The following DOCK1 variants were observed in gnomAD, a reference collection of about 807,000 sequenced individuals.
DOCK1 encodes the protein dedicator of cytokinesis 1.
DOCK1 carries 138 observed loss-of-function variants against 262.7 expected under a neutral mutation model. That is an observed-to-expected ratio of 0.53 (90% confidence interval 0.46 to 0.61). The LOEUF (loss-of-function observed/expected upper bound fraction) is 0.61, where lower values mean the gene tolerates loss of function less well. Among genes scored for constraint, DOCK1 ranks in the 20% least tolerant of loss-of-function variants. The pLI is 0.00. For missense variants in DOCK1, 1,908 were observed against 2,370.7 expected, an observed-to-expected ratio of 0.80 and a Z score of 4.05; for synonymous variants, 866 against 867.4, an observed-to-expected ratio of 1.00 and a Z score of 0.03.
At chr10:127,082,289 G>A (rs895330068) in intron 23 of DOCK1, among the ~76,000 whole-genome samples, 3 of 152,190 alleles carry the variant, frequency 2.0e-5, no homozygotes, top group East Asian at 1.9e-4. Context: ...GTGTCTGCCC[G>A]GGTCTGGGTT....
chr10:127,288,113 A>C (rs2061223894), intron 29 of DOCK1, among the ~76,000 whole-genome samples: 1 of 152,156 alleles, frequency 6.6e-6, no homozygotes, highest in Non-Finnish European at 1.5e-5. Flanking sequence ...ATGACCAGTA[A>C]ATTTTTTTCT....
intron 4 of DOCK1, among the ~76,000 whole-genome samples, chr10:126,983,609 G>T (rs936721647): frequency 1.3e-5 from 2 of 151,976 alleles, no homozygotes; most frequent in Non-Finnish European, 2.9e-5. Context: ...TCTCTTGCAG[G>T]CTCTGTCTTT....
chr10:126,970,157 A>C (rs1727844410), intron 1 of DOCK1, among the ~76,000 whole-genome samples: 1 of 152,152 alleles, frequency 6.6e-6, no homozygotes, highest in South Asian at 2.1e-4. Context: ...ATGTAGGAGC[A>C]CTATGATCCT....
chr10:127,070,545 C>T (rs74158605), intron 23 of DOCK1, among the ~76,000 whole-genome samples: 2 of 151,972 alleles, frequency 1.3e-5, no homozygotes, highest in Admixed American at 1.3e-4. Flanking sequence ...ACCCACTGCA[C>T]CTGGCCTGAA....
chr10:127,183,916 C>G (rs1179913949), intron 27 of DOCK1, among the ~76,000 whole-genome samples: 1 of 152,184 alleles, frequency 6.6e-6, no homozygotes, highest in East Asian at 1.9e-4. Context: ...TCTGTCTTCT[C>G]TGTGCATGAT....
intron 23 of DOCK1, among the ~76,000 whole-genome samples, chr10:127,097,848 A>T (rs2048002631): frequency 6.6e-6 from 1 of 152,216 alleles, no homozygotes; most frequent in Admixed American, 6.5e-5. Context: ...TAAATTGTGT[A>T]TAGAGTACTC....
chr10:127,260,408 G>A (rs994835932), intron 29 of DOCK1, among the ~76,000 whole-genome samples: 2 of 152,200 alleles, frequency 1.3e-5, no homozygotes, highest in Admixed American at 1.3e-4. Flanking sequence ...CTGGAAAGAC[G>A]TCTTGACAAG....
chr10:127,342,463 A>G (rs1308376642), intron 30 of DOCK1, among the ~76,000 whole-genome samples: 1 of 152,176 alleles, frequency 6.6e-6, no homozygotes, highest in Non-Finnish European at 1.5e-5. Flanking sequence ...CAGCTCTGCA[A>G]TGGGGATAAC....
chr10:127,196,702 G>T (rs1453099687), intron 27 of DOCK1, among the ~76,000 whole-genome samples: 1 of 141,540 alleles, frequency 7.1e-6, no homozygotes, highest in Non-Finnish European at 1.5e-5. Context: ...TCCCGCCGCC[G>T]CCAGAGCTGG....
intron 1 of DOCK1, among the ~76,000 whole-genome samples, chr10:126,970,366 C>T (rs550853736): frequency 6.6e-6 from 1 of 152,172 alleles, no homozygotes; most frequent in East Asian, 1.9e-4. Flanking sequence ...ATATTCACTC[C>T]ATGTGCAATT....
At chr10:127,442,609 GA>G (rs1565095907) in intron 49 of DOCK1, among the ~76,000 whole-genome samples, 2 of 152,190 alleles carry the variant, frequency 1.3e-5, no homozygotes, top group Non-Finnish European at 1.5e-5. Context: ...AGATGAGCAG[GA>G]AAAAATGCAT....
At chr10:126,965,494 A>C (rs1463845287) in intron 1 of DOCK1, among the ~76,000 whole-genome samples, 5 of 152,166 alleles carry the variant, frequency 3.3e-5, no homozygotes, top group Non-Finnish European at 5.9e-5. Context: ...CAGTCTGTAC[A>C]TCTCACCGAG....
intron 1 of DOCK1, among the ~76,000 whole-genome samples, chr10:126,958,888 G>A (rs1282184779): frequency 3.3e-5 from 5 of 152,316 alleles, no homozygotes; most frequent in East Asian, 1.9e-4. Context: ...ACCATGGCCC[G>A]TGACACAGCC....
chr10:127,420,911 T>G (rs2068469395), intron 46 of DOCK1, among the ~76,000 whole-genome samples: 1 of 151,098 alleles, frequency 6.6e-6, no homozygotes, highest in Non-Finnish European at 1.5e-5. Context: ...ATTTGTTTGT[T>G]TGTTTGTTTG....
chr10:127,158,807 G>T lies in DOCK1; in HGVS notation c.2847+31043G>T, dbSNP rs528364302. Among the ~76,000 whole-genome samples the T allele has an allele frequency of 1.3e-5, 2 of 152,302 alleles. 1 individual carries two copies. Among genetic ancestry groups the T allele is most frequent in the African/African-American group, 4.8e-5 (2 of 41,570 alleles). On this transcript the variant is annotated intron_variant, in intron 27 of 51. Coordinates refer to ENST00000623213, the MANE Select transcript of DOCK1 (RefSeq NM_001290223.2). ...ATGTATCGTCCCATGGCAGTTAGTTGTAAGTATTCTCTTAACAATGCATAT... is the reference window on the plus strand; with the variant it reads ...ATGTATCGTCCCATGGCAGTTAGTTTTAAGTATTCTCTTAACAATGCATAT...
At chr10:127,038,592 G>T (rs2043813863) in intron 19 of DOCK1, among the ~76,000 whole-genome samples, 1 of 152,158 alleles carries the variant, frequency 6.6e-6, no homozygotes, top group Non-Finnish European at 1.5e-5. Context: ...GGTCTGTGGT[G>T]TGGTAGAAAG....
intron 1 of DOCK1, among the ~76,000 whole-genome samples, chr10:126,934,837 C>T (rs1328926277): frequency 1.4e-5 from 2 of 142,504 alleles, no homozygotes; most frequent in Non-Finnish European, 3.0e-5. Flanking sequence ...TAAAACTAGG[C>T]CGGGTGCGGT....
chr10:127,056,716 CTG>C (rs1473592075), intron 22 of DOCK1, among the ~76,000 whole-genome samples: 1 of 151,994 alleles, frequency 6.6e-6, no homozygotes, highest in Non-Finnish European at 1.5e-5. Context: ...TATTTTTTCT[CTG>C]AACGTTTCCT....
chr10:127,203,004 C>G (rs2057540806), intron 27 of DOCK1, among the ~76,000 whole-genome samples: 1 of 152,216 alleles, frequency 6.6e-6, no homozygotes, highest in Non-Finnish European at 1.5e-5. Context: ...AGCCGTCCCT[C>G]ATTATCTCAC....
Sources: gnomAD v4.1 joint callset for allele counts (sites outside exome capture counted in the v4.1 genomes callset) on GRCh38, gnomAD v4.1.1 for gene constraint, MANE v1.5 for transcripts, NCBI Gene and HGNC (gene_info 2026-07-23, HGNC 2026-07-21) for gene names.